The following DYSF variants were observed in gnomAD, a reference collection of about 807,000 sequenced individuals.
DYSF encodes dystrophy-associated fer-1-like 1.
In DYSF, 212 loss-of-function variants were observed where a neutral mutation model predicts 274.9. The observed-to-expected ratio is 0.77, with a 90% CI of 0.69 to 0.86. DYSF has a LOEUF of 0.86. Among genes scored for constraint, DYSF ranks in the 40% least tolerant of loss-of-function variants. The pLI is 0.00. For synonymous variants in DYSF, 1,091 were observed against 1,078.7 expected (o/e 1.01, Z -0.22); for missense variants, 2,666 against 2,783.2 (o/e 0.96, Z 0.95).
chr2:71,520,120 CTTTAT>C, intron 10 of DYSF, 53 bp from the exon 11 acceptor site: 1 of 1,608,270 alleles, frequency 6.2e-7, no homozygotes, highest in East Asian at 2.2e-5. Context: ...ATGCACCACA[CTTTAT>C]TTAACGCTTT....
rs2086332790 is a variant in DYSF, at chr2:71,513,619, G to A, written c.554-97G>A. 3.2e-6 allele frequency: 4 copies of A among 1,269,006 alleles called. No individual in the cohort carries two copies. In the South Asian group the frequency reaches 5.0e-5, roughly 16 times the overall value. The allele number at this position is 1,269,006 out of a possible 1,614,324, so 78.6% of individuals were successfully genotyped here. A position where few individuals can be genotyped will look rare whatever the true frequency, so the allele number is the denominator to read the frequency against. ...AGAGGGGATGAGTCTTAGGGCCCAT[G>A]CCTTTTGGATCTTCTGCCCCCTGGG... On this transcript the variant is annotated intron_variant, in intron 6 of 55. Transcript: ENST00000410020.
At chr2:71,561,520 G>T (rs967657302) in intron 22 of DYSF, among the ~76,000 whole-genome samples, 1 of 152,196 alleles carries the variant, frequency 6.6e-6, no homozygotes, top group African/African-American at 2.4e-5. Context: ...AGGGCTGGGG[G>T]CTCCAGATCA....
chr2:71,549,258 C>G, intron 17 of DYSF: 1 of 1,280,654 alleles, frequency 7.8e-7, no homozygotes, highest in South Asian at 1.2e-5. Flanking sequence ...ATCTGTCTGC[C>G]TGCCAGCTCT....
At position 71,644,013 on chromosome 2, in the gene DYSF, G is replaced by T. The variant is rs886042635; in HGVS notation, c.4576G>T (p.Glu1526Ter). The T allele has an allele frequency of 6.2e-7, 1 of 1,612,776 alleles. No homozygotes were observed. Among genetic ancestry groups the T allele is most frequent in the South Asian group, 1.1e-5 (1 of 90,538 alleles). ...WWSKFFASIG[E>*]REKCGSYLEK... ...GAGCAAATTCTTTGCCTCCATAGGGGAGAGGGAAAAGTGCGGCTCCTACCT... is the reference window on the plus strand; with the variant it reads ...GAGCAAATTCTTTGCCTCCATAGGGTAGAGGGAAAAGTGCGGCTCCTACCT... The change falls in exon 42 of 56, where the codon GAG becomes TAG. Residue 1526 changes from glutamate to a stop codon, truncating the protein, a stop_gained. Transcript: ENST00000410020. LOFTEE classifies it high-confidence loss of function.
At chr2:71,461,879 C>G (rs976247971), upstream of DYSF, among the ~76,000 whole-genome samples, 4 of 152,202 alleles carry the variant, frequency 2.6e-5, no homozygotes, top group Non-Finnish European at 4.4e-5. Context: ...GCCTCCTGGA[C>G]ACCCCATGTT....
chr2:71,527,561 C>T (rs1396030935), intron 13 of DYSF, among the ~76,000 whole-genome samples: 1 of 149,108 alleles, frequency 6.7e-6, no homozygotes, highest in Non-Finnish European at 1.5e-5. Flanking sequence ...GGTGAAAGAG[C>T]TTTGTGTTGA....
intron 30 of DYSF, among the ~76,000 whole-genome samples, chr2:71,586,504 C>T (rs1454114859): frequency 2.0e-5 from 3 of 151,888 alleles, no homozygotes; most frequent in Admixed American, 6.6e-5. Flanking sequence ...TCAGTGGGAG[C>T]GTTGGTTCCT....
chr2:71,667,529 C>T lies in DYSF; in HGVS notation c.5457+14C>T, dbSNP rs746503236. ...GACATCGAGCAGGTAGGACCTTGAC[C>T]CTTGGGTCCCAGAGTCCTCGAACTC... On this transcript the variant is annotated intron_variant, in intron 48 of 55. Coordinates refer to ENST00000410020, the MANE Select transcript of DYSF (RefSeq NM_001130987.2). 8.7e-6 allele frequency: 14 copies of T among 1,613,834 alleles called. No homozygotes were observed. The highest frequency in any genetic ancestry group is 1.2e-5 in the Non-Finnish European group (14 of 1,179,940).
chr2:71,478,014 T>A (rs905473152), intron 1 of DYSF, among the ~76,000 whole-genome samples: 3 of 151,484 alleles, frequency 2.0e-5, no homozygotes, highest in African/African-American at 7.3e-5. Flanking sequence ...AATCTAAAAG[T>A]GTCACTTTTC....
chr2:71,640,329 T>A (rs1232347562), intron 41 of DYSF, among the ~76,000 whole-genome samples: 1 of 152,246 alleles, frequency 6.6e-6, no homozygotes, highest in African/African-American at 2.4e-5. Flanking sequence ...AGAGGTTCAT[T>A]TGAGAATAAA....
intron 41 of DYSF, among the ~76,000 whole-genome samples, chr2:71,625,750 A>AT (rs1325519479): frequency 2.0e-5 from 3 of 152,102 alleles, no homozygotes; most frequent in Admixed American, 6.5e-5. Flanking sequence ...GAAAGCAGAC[A>AT]TTTTTATTAT....
chr2:71,638,471 A>T (rs912252913), intron 41 of DYSF, among the ~76,000 whole-genome samples: 1 of 152,208 alleles, frequency 6.6e-6, no homozygotes, highest in South Asian at 2.1e-4. Flanking sequence ...TAAAGAGGTT[A>T]AGTAGTGAGC....
chr2:71,612,610 C>A (rs780532612), intron 38 of DYSF, 31 bp from the exon 39 acceptor site: 4 of 1,611,750 alleles, frequency 2.5e-6, no homozygotes, highest in African/African-American at 1.3e-5. Context: ...GAGGGGGATT[C>A]AGGCCAGTGC....
At chr2:71,538,556 G>A (rs542955629) in intron 16 of DYSF, among the ~76,000 whole-genome samples, 2 of 152,314 alleles carry the variant, frequency 1.3e-5, no homozygotes, top group South Asian at 2.1e-4. Context: ...CCTCATGGGT[G>A]CAACAGAGAT....
At position 71,539,174 on chromosome 2, in the gene DYSF, A is replaced by G. The variant is rs748826870; in HGVS notation, c.1511A>G (p.Asn504Ser). The G allele has an allele frequency of 3.1e-6, 5 of 1,614,050 alleles. No individual in the cohort carries two copies. The highest frequency in any genetic ancestry group is 1.7e-5 in the Admixed American group (1 of 60,016). ...RIIDWDRLTH[N>S]DIVATTYLSM... ...TGCTCTAGGGACCGCCTGACTCACA[A>G]TGACATCGTGGCTACCACCTACCTG... Residue 504 changes from asparagine to serine, a missense_variant, in exon 17 of 56, where the codon AAT becomes AGT. Around this residue, in one of 3 missense-constraint regions of DYSF, gnomAD observed 794 missense variants for 777.1 expected, o/e 1.02. Coordinates refer to ENST00000410020, the MANE Select transcript of DYSF (RefSeq NM_001130987.2).
intron 14 of DYSF, among the ~76,000 whole-genome samples, chr2:71,534,183 G>A (rs1159982489): frequency 6.6e-6 from 1 of 152,222 alleles, no homozygotes; most frequent in Admixed American, 6.5e-5. Flanking sequence ...CATTAAATGA[G>A]ATAATGCACA....
Position 71,669,106 on chromosome 2 carries a change from C to A in DYSF, c.5547-6C>A. 6.3e-7 allele frequency: 1 copy of A among 1,588,944 alleles called. No individual in the cohort carries two copies. The highest frequency in any genetic ancestry group is 8.6e-7 in the Non-Finnish European group (1 of 1,166,332). On this transcript the variant is annotated splice_region_variant and splice_polypyrimidine_tract_variant and intron_variant, in intron 49 of 55. Coordinates refer to ENST00000410020, the MANE Select transcript of DYSF (RefSeq NM_001130987.2). ...CTAGGTGGATTAGAGTGATACCTTTCCCCAGGTTTTTCCTGCGTTGTATTA... is the reference window on the plus strand; with the variant it reads ...CTAGGTGGATTAGAGTGATACCTTTACCCAGGTTTTTCCTGCGTTGTATTA...
At chr2:71,537,455 AG>A (rs2089496250) in intron 16 of DYSF, among the ~76,000 whole-genome samples, 1 of 152,202 alleles carries the variant, frequency 6.6e-6, no homozygotes, top group South Asian at 2.1e-4. Flanking sequence ...CATGTTGGCC[AG>A]GCTGGTCTTG....
chr2:71,674,172 C>T, intron 51 of DYSF, 25 bp from the exon 52 acceptor site: 1 of 1,610,180 alleles, frequency 6.2e-7, no homozygotes, highest in African/African-American at 1.3e-5. Context: ...TCCTTGCATC[C>T]TTCTCTGTTC....
Sources: allele counts gnomAD v4.1 joint callset (sites outside exome capture counted in the v4.1 genomes callset), GRCh38; gene constraint gnomAD v4.1.1; regional missense constraint gnomAD v4.1.1; transcripts MANE v1.5; gene names NCBI Gene and HGNC (gene_info 2026-07-23, HGNC 2026-07-21).